Variants in PDLIM5 observed in about 807,000 individuals in gnomAD.
The protein encoded by PDLIM5 is PDZ and LIM domain protein 5.
PDLIM5 carries 34 observed loss-of-function variants against 64.2 expected under a neutral mutation model. The observed-to-expected ratio is 0.53, with a 90% CI of 0.40 to 0.71. The LOEUF is 0.71. PDLIM5 is among the 30% of genes least tolerant of loss of function. PDLIM5 has a pLI of 0.00. For synonymous variants in PDLIM5, 253 were observed against 269.1 expected (o/e 0.94, Z 0.59); for missense variants, 683 against 733.6 (o/e 0.93, Z 0.80).
At chr4:94,606,280 TA>T (rs1286012843) in intron 7 of PDLIM5, among the ~76,000 whole-genome samples, 2 of 152,170 alleles carry the variant, frequency 1.3e-5, no homozygotes, top group Non-Finnish European at 2.9e-5. Context: ...TGTATAATAA[TA>T]ATAACAAATT....
intron 7 of PDLIM5, among the ~76,000 whole-genome samples, chr4:94,617,716 T>G (rs1336594758): frequency 1.3e-5 from 2 of 151,990 alleles, no homozygotes; most frequent in African/African-American, 4.8e-5. Flanking sequence ...CAGGGAGACT[T>G]TTATCATTTA....
chr4:94,465,916 A>T (rs540789629), intron 2 of PDLIM5, among the ~76,000 whole-genome samples: 2 of 144,510 alleles, frequency 1.4e-5, no homozygotes, highest in East Asian at 3.9e-4. Flanking sequence ...GTGTTTGTGT[A>T]TGTGTGTGTA....
At chr4:94,622,938 G>A (rs1199802887) in intron 8 of PDLIM5, among the ~76,000 whole-genome samples, 1 of 151,790 alleles carries the variant, frequency 6.6e-6, no homozygotes, top group Non-Finnish European at 1.5e-5. Context: ...CAAAGTGCTG[G>A]GATTACAGGC....
intron 2 of PDLIM5, among the ~76,000 whole-genome samples, chr4:94,493,543 C>T (rs1018681469): frequency 6.6e-6 from 1 of 152,022 alleles, no homozygotes; most frequent in African/African-American, 2.4e-5. Context: ...CTCAATGACC[C>T]TTTTAATTGC....
intron 2 of PDLIM5, chr4:94,489,195 T>C (rs1726628314): frequency 6.6e-6 from 1 of 152,208 alleles, no homozygotes. Flanking sequence ...AGGAATAGAA[T>C]GGCTAATTGA....
chr4:94,557,019 T>C (rs1166424931), intron 3 of PDLIM5, among the ~76,000 whole-genome samples: 2 of 152,216 alleles, frequency 1.3e-5, no homozygotes, highest in African/African-American at 4.8e-5. Context: ...GGGTTTCTTC[T>C]AGGGTTTTTA....
chr4:94,488,633 C>T (rs187952058), intron 2 of PDLIM5, among the ~76,000 whole-genome samples: 118 of 152,222 alleles, frequency 7.8e-4, no homozygotes, highest in African/African-American at 2.7e-3. Flanking sequence ...AAGTAAAAGA[C>T]ATAAGAAAAC....
At chr4:94,502,818 A>T (rs1728049186) in intron 2 of PDLIM5, among the ~76,000 whole-genome samples, 1 of 152,120 alleles carries the variant, frequency 6.6e-6, no homozygotes, top group South Asian at 2.1e-4. Context: ...CAGAGGTTGC[A>T]GTGAGTCAAG....
intron 8 of PDLIM5, among the ~76,000 whole-genome samples, chr4:94,626,186 T>A (rs1351928987): frequency 2.0e-5 from 3 of 152,208 alleles, no homozygotes; most frequent in Non-Finnish European, 4.4e-5. Flanking sequence ...ATTTGAGGAT[T>A]GGGAACTCAT....
intron 2 of PDLIM5, among the ~76,000 whole-genome samples, chr4:94,496,644 C>T (rs529622264): frequency 3.1e-4 from 47 of 152,246 alleles, no homozygotes; most frequent in Middle Eastern, 3.4e-3. Context: ...TGTGCACTAC[C>T]ATGCCTGGCT....
At chr4:94,657,330 T>C (rs1297425436) in intron 10 of PDLIM5, 97 bp from the exon 11 acceptor site, 1 of 783,276 alleles carries the variant, frequency 1.3e-6, no homozygotes, top group African/African-American at 1.7e-5. Context: ...TACTTTGGAT[T>C]AGCTCTACAG....
chr4:94,571,348 G>A (rs528618242), intron 3 of PDLIM5, among the ~76,000 whole-genome samples: 8 of 152,168 alleles, frequency 5.3e-5, no homozygotes, highest in Non-Finnish European at 1.2e-4. Flanking sequence ...CAAATAGATT[G>A]TTCTAGCCAC....
At chr4:94,535,244 T>A (rs868481862) in intron 3 of PDLIM5, among the ~76,000 whole-genome samples, 1 of 152,168 alleles carries the variant, frequency 6.6e-6, no homozygotes, top group African/African-American at 2.4e-5. Flanking sequence ...TCTGGATAGA[T>A]GTAGAATGAG....
intron 2 of PDLIM5, among the ~76,000 whole-genome samples, chr4:94,502,973 G>A (rs1004152973): frequency 2.6e-5 from 4 of 152,068 alleles, no homozygotes; most frequent in African/African-American, 9.7e-5. Context: ...ACTGCTGTAG[G>A]TACTAGCCAT....
intron 3 of PDLIM5, among the ~76,000 whole-genome samples, chr4:94,570,755 C>A (rs891765025): frequency 9.9e-5 from 15 of 152,096 alleles, no homozygotes; most frequent in African/African-American, 3.6e-4. Context: ...ATGATGTACC[C>A]TAGTGTTTAT....
At chr4:94,577,022 G>C (rs1366972590) in intron 5 of PDLIM5, among the ~76,000 whole-genome samples, 1 of 151,910 alleles carries the variant, frequency 6.6e-6, no homozygotes, top group Non-Finnish European at 1.5e-5. Flanking sequence ...AATCCTACTT[G>C]CAAAGAAAAA....
In PDLIM5 at chr4:94,455,330, G is replaced by A; in HGVS notation, c.42G>A (p.Trp14Ter). 6.2e-7 allele frequency: 1 copy of A among 1,613,784 alleles called. No homozygotes were observed. Among genetic ancestry groups the A allele is most frequent in the Non-Finnish European group, 8.5e-7 (1 of 1,179,682 alleles). Residue 14 changes from tryptophan to a stop codon, truncating the protein, a stop_gained, in exon 2 of 13, where the codon TGG (tryptophan) becomes TGA (stop). Transcript: ENST00000317968. LOFTEE classifies it high-confidence loss of function. ...YSVSLVGPAP[W>*]GFRLQGGKDF... ...TGTCACTGGTTGGCCCAGCTCCTTG[G>A]GGTTTCCGGCTGCAGGGCGGTAAGG...
chr4:94,534,100 A>T (rs996737287), intron 3 of PDLIM5, among the ~76,000 whole-genome samples: 2 of 152,232 alleles, frequency 1.3e-5, no homozygotes, highest in African/African-American at 4.8e-5. Flanking sequence ...AAGAGAAACC[A>T]GTACACACCT....
At chr4:94,526,795 C>G (rs1446902949) in intron 3 of PDLIM5, among the ~76,000 whole-genome samples, 1 of 150,906 alleles carries the variant, frequency 6.6e-6, no homozygotes, top group Non-Finnish European at 1.5e-5. Flanking sequence ...GCAGTTGGCA[C>G]CATCTCAGCT....
Sources: gnomAD v4.1 joint callset for allele counts (sites outside exome capture counted in the v4.1 genomes callset) on GRCh38, gnomAD v4.1.1 for gene constraint, MANE v1.5 for transcripts, NCBI Gene and HGNC (gene_info 2026-07-23, HGNC 2026-07-21) for gene names.